The following TFDP2 variants were observed in gnomAD, a reference collection of about 807,000 sequenced individuals.
TFDP2 encodes transcription factor Dp-2, also known as transcription factor Dp-2 (E2F dimerization partner 2).
TFDP2 carries 17 observed loss-of-function variants against 59.3 expected under a neutral mutation model. The ratio of observed to expected loss-of-function variants is 0.29; its 90% CI spans 0.20 to 0.43. TFDP2 has a LOEUF of 0.43. TFDP2 is among the 20% of genes least tolerant of loss of function. The pLI is 1.00. For missense variants in TFDP2, 391 were observed against 528.8 expected, an observed-to-expected ratio of 0.74 and a Z score of 2.56; for synonymous variants, 180 against 194.7, an observed-to-expected ratio of 0.92 and a Z score of 0.63.
rs115122993 is a variant in TFDP2 at position 142,040,147 on chromosome 3, A to G, written c.83-34603T>C. Reference sequence around the variant, plus strand: ...CACACACACACACACACAGGCATGCACATTACCAAGAGATAAAGCTATCAA... The same window carrying G: ...CACACACACACACACACAGGCATGCGCATTACCAAGAGATAAAGCTATCAA... On this transcript the variant is annotated intron_variant, in intron 3 of 12. Coordinates refer to ENST00000489671, the MANE Select transcript of TFDP2 (RefSeq NM_001178139.2). Among the ~76,000 whole-genome samples the G allele has an allele frequency of 7.4e-4, 112 of 152,340 alleles. 1 individual carries two copies. Among genetic ancestry groups the G allele is most frequent in the African/African-American group, 2.6e-3 (108 of 41,572 alleles).
intron 1 of TFDP2, among the ~76,000 whole-genome samples, chr3:142,138,188 G>A (rs1302220657): frequency 6.6e-5 from 10 of 152,126 alleles, no homozygotes; most frequent in Non-Finnish European, 5.9e-5. Flanking sequence ...TTCTCTGATG[G>A]TAGTTTGTAT....
At chr3:142,006,774 CTTCTTT>C (rs1576671733) in intron 3 of TFDP2, among the ~76,000 whole-genome samples, 1 of 150,630 alleles carries the variant, frequency 6.6e-6, no homozygotes, top group Non-Finnish European at 1.5e-5. Context: ...GCCTAAATGA[CTTCTTT>C]TTCTTTTTCT....
At chr3:141,995,697 A>C (rs1943204756) in intron 4 of TFDP2, among the ~76,000 whole-genome samples, 1 of 152,098 alleles carries the variant, frequency 6.6e-6, no homozygotes. Flanking sequence ...CAGCCTGGCC[A>C]ACATGGTGAA....
intron 1 of TFDP2, among the ~76,000 whole-genome samples, chr3:142,125,840 A>C (rs1365165975): frequency 6.6e-6 from 1 of 152,182 alleles, no homozygotes; most frequent in African/African-American, 2.4e-5. Context: ...ATGGCCTCTC[A>C]TATCATTTGT....
intron 6 of TFDP2, among the ~76,000 whole-genome samples, chr3:141,984,099 T>C (rs1941794076): frequency 6.6e-6 from 1 of 152,178 alleles, no homozygotes; most frequent in Admixed American, 6.5e-5. Context: ...TAAAATGTGG[T>C]ATATACATAT....
chr3:141,964,879 TA>T (rs1269405363), intron 9 of TFDP2, among the ~76,000 whole-genome samples: 3 of 152,288 alleles, frequency 2.0e-5, no homozygotes, highest in South Asian at 2.1e-4. Flanking sequence ...GGCTCAGCAC[TA>T]ATTATAAGAT....
At chr3:142,019,080 G>C (rs1160040259) in intron 3 of TFDP2, among the ~76,000 whole-genome samples, 1 of 139,802 alleles carries the variant, frequency 7.2e-6, no homozygotes, top group Admixed American at 7.2e-5. Context: ...TTTTGTTTTG[G>C]TGAGACGGAG....
At chr3:142,075,467 T>C (rs1326604992) in intron 3 of TFDP2, among the ~76,000 whole-genome samples, 1 of 152,210 alleles carries the variant, frequency 6.6e-6, no homozygotes, top group Non-Finnish European at 1.5e-5. Context: ...TGCGAAAGTT[T>C]AGTATCCTGC....
intron 6 of TFDP2, among the ~76,000 whole-genome samples, chr3:141,991,769 G>A (rs1041296778): frequency 3.9e-5 from 6 of 152,168 alleles, no homozygotes; most frequent in African/African-American, 7.2e-5. Flanking sequence ...GAGGCTGGGC[G>A]TGGTGGATCA....
At chr3:142,065,594 C>A (rs1026785264) in intron 3 of TFDP2, among the ~76,000 whole-genome samples, 1 of 151,950 alleles carries the variant, frequency 6.6e-6, no homozygotes, top group African/African-American at 2.4e-5. Flanking sequence ...TCACTGCAAC[C>A]TCTGCCTCCC....
intron 3 of TFDP2, among the ~76,000 whole-genome samples, chr3:142,061,606 G>T (rs551656044): frequency 4.0e-4 from 61 of 152,124 alleles, no homozygotes; most frequent in African/African-American, 1.4e-3. Flanking sequence ...TGTTTGAGCT[G>T]GACATTCATC....
intron 9 of TFDP2, among the ~76,000 whole-genome samples, chr3:141,968,431 TA>T (rs1420037662): frequency 1.2e-5 from 1 of 86,816 alleles, no homozygotes; most frequent in African/African-American, 5.0e-5. Flanking sequence ...ATCTCATATA[TA>T]GATATATATA....
intron 11 of TFDP2, among the ~76,000 whole-genome samples, chr3:141,956,858 G>C (rs761954813): frequency 6.6e-6 from 1 of 151,618 alleles, no homozygotes; most frequent in South Asian, 2.1e-4. Flanking sequence ...CCATGAGTTC[G>C]AGGCTGCAGT....
At chr3:142,045,229 G>A (rs932133789) in intron 3 of TFDP2, among the ~76,000 whole-genome samples, 1 of 147,584 alleles carries the variant, frequency 6.8e-6, no homozygotes, top group Non-Finnish European at 1.5e-5. Flanking sequence ...TCACGATCTC[G>A]GCCCATTGCA....
At chr3:142,036,509 C>T (rs1946702537) in intron 3 of TFDP2, among the ~76,000 whole-genome samples, 3 of 152,178 alleles carry the variant, frequency 2.0e-5, no homozygotes, top group Admixed American at 6.5e-5. Context: ...CCACAGTCTG[C>T]GAGTTCCTCC....
chr3:142,065,090 T>G (rs1213458052), intron 3 of TFDP2, among the ~76,000 whole-genome samples: 1 of 152,054 alleles, frequency 6.6e-6, no homozygotes, highest in Non-Finnish European at 1.5e-5. Flanking sequence ...AGCAACTCGC[T>G]GGGATGAACT....
At chr3:141,986,079 G>A (rs145319342) in intron 6 of TFDP2, among the ~76,000 whole-genome samples, 62 of 152,328 alleles carry the variant, frequency 4.1e-4, no homozygotes, top group Middle Eastern at 3.4e-3. Context: ...GTAACTGTAT[G>A]ACCCAGCAAT....
intron 3 of TFDP2, among the ~76,000 whole-genome samples, chr3:142,077,428 T>A (rs540218757): frequency 2.6e-5 from 4 of 152,152 alleles, no homozygotes; most frequent in Non-Finnish European, 1.5e-5. Context: ...ACTCCTTCTT[T>A]CTGCTTGAGG....
At chr3:141,998,358 C>T (rs1475733464) in intron 4 of TFDP2, among the ~76,000 whole-genome samples, 1 of 152,122 alleles carries the variant, frequency 6.6e-6, no homozygotes, top group African/African-American at 2.4e-5. Context: ...ATAATCCCCG[C>T]ACTTTGGGAG....
Sources: gnomAD v4.1 joint callset for allele counts (sites outside exome capture counted in the v4.1 genomes callset) on GRCh38, gnomAD v4.1.1 for gene constraint, MANE v1.5 for transcripts, NCBI Gene and HGNC (gene_info 2026-07-23, HGNC 2026-07-21) for gene names.